The following TXNDC15 variants were observed in gnomAD, a reference collection of about 807,000 sequenced individuals.
TXNDC15 encodes thioredoxin domain containing 15, also known as thioredoxin domain-containing protein 15.
In TXNDC15, 24 loss-of-function variants were observed where a neutral mutation model predicts 35.0. The observed-to-expected ratio is 0.68, with a 90% CI of 0.50 to 0.96. TXNDC15 has a LOEUF of 0.96. Ranked by LOEUF, TXNDC15 falls within the 40% of genes least tolerant of loss-of-function variation. The pLI is 0.00. For synonymous variants in TXNDC15, 169 were observed against 174.0 expected (o/e 0.97, Z 0.23); for missense variants, 385 against 453.3 (o/e 0.85, Z 1.37).
intron 2 of TXNDC15, among the ~76,000 whole-genome samples, chr5:134,890,445 T>C (rs550355894): frequency 6.6e-6 from 1 of 151,872 alleles, no homozygotes; most frequent in East Asian, 1.9e-4. Context: ...TCTCACTCTG[T>C]CACCCAGGCG....
At chr5:134,883,489 C>A (rs1750202956) in intron 1 of TXNDC15, among the ~76,000 whole-genome samples, 2 of 148,774 alleles carry the variant, frequency 1.3e-5, no homozygotes. Flanking sequence ...TGCCTGTAAT[C>A]CTAGCTGCTT....
intron 1 of TXNDC15, among the ~76,000 whole-genome samples, chr5:134,880,722 C>T (rs1458434061): frequency 5.3e-5 from 8 of 151,952 alleles, no homozygotes; most frequent in Non-Finnish European, 8.8e-5. Context: ...GGAGTACAGG[C>T]GTGAGCCACC....
intron 1 of TXNDC15, among the ~76,000 whole-genome samples, chr5:134,876,731 T>G (rs1750041042): frequency 2.0e-5 from 3 of 147,022 alleles, no homozygotes; most frequent in South Asian, 2.2e-4. Context: ...AAATCTGAGG[T>G]GTTTTTTTTT....
upstream of TXNDC15, chr5:134,874,054 G>A (rs1198916086): frequency 5.6e-6 from 1 of 178,030 alleles, no homozygotes; most frequent in Non-Finnish European, 1.2e-5. Flanking sequence ...GGGCCTTTCT[G>A]GCTCTGGGAA....
In TXNDC15 at chr5:134,893,603, C is replaced by A. The variant is rs563251762; in HGVS notation, c.703C>A (p.Arg235=). 1 of 1,614,212 alleles carries A rather than the reference C, an allele frequency of 6.2e-7. No individual in the cohort carries two copies. The highest frequency in any genetic ancestry group is 1.3e-5 in the African/African-American group (1 of 75,050). ...GGCCCCTCACTTTAACTCTCTGCCCCGGGCATTTCCAGCTCTTCACTTTTT... is the reference window on the plus strand; with the variant it reads ...GGCCCCTCACTTTAACTCTCTGCCCAGGGCATTTCCAGCTCTTCACTTTTT... ...SLAPHFNSLP[R]AFPALHFLAL... Residue 235 remains arginine, a synonymous_variant, in exon 3 of 5, where the codon CGG becomes AGG. Transcript: ENST00000358387.
At chr5:134,875,146 AGAC>A in intron 1 of TXNDC15, 1 of 456,294 alleles carries the variant, frequency 2.2e-6, no homozygotes, top group Admixed American at 2.3e-5. Context: ...CATGAAAAAC[AGAC>A]GAGAAACACG....
chr5:134,885,350 T>C (rs1252478080), intron 1 of TXNDC15, among the ~76,000 whole-genome samples: 1 of 152,262 alleles, frequency 6.6e-6, no homozygotes, highest in Non-Finnish European at 1.5e-5. Context: ...GTCCCACTAC[T>C]GACGCAGGTC....
At chr5:134,887,423 GATCC>G (rs545962940) in intron 1 of TXNDC15, among the ~76,000 whole-genome samples, 14 of 152,222 alleles carry the variant, frequency 9.2e-5, no homozygotes, top group Non-Finnish European at 2.1e-4. Context: ...GACCTCAAGT[GATCC>G]ACCTGACTTG....
intron 1 of TXNDC15, chr5:134,875,248 A>G (rs2150182658): frequency 1.3e-5 from 6 of 456,172 alleles, no homozygotes; most frequent in South Asian, 9.3e-5. Flanking sequence ...CCTTACTTTC[A>G]TGCTCCTTCA....
intron 4 of TXNDC15, among the ~76,000 whole-genome samples, chr5:134,896,651 C>CT (rs11438328): frequency 0.12 from 15,512 of 134,270 alleles, 1,081 homozygotes; most frequent in East Asian, 0.26. Flanking sequence ...TTTTTTTTCC[C>CT]TTTTTTTTTT....
intron 1 of TXNDC15, among the ~76,000 whole-genome samples, chr5:134,885,951 C>T (rs1486526337): frequency 6.6e-6 from 1 of 152,138 alleles, no homozygotes; most frequent in Non-Finnish European, 1.5e-5. Flanking sequence ...CTGAATGAAT[C>T]CACAGAGCTC....
At chr5:134,874,600 A>T in intron 1 of TXNDC15, 70 bp downstream of exon 1, 1 of 1,319,280 alleles carries the variant, frequency 7.6e-7, no homozygotes. Flanking sequence ...GACGCTCTGG[A>T]CCTGCGCGAA....
intron 4 of TXNDC15, among the ~76,000 whole-genome samples, chr5:134,897,393 G>A (rs965490808): frequency 6.6e-5 from 10 of 150,754 alleles, no homozygotes; most frequent in Non-Finnish European, 1.5e-4. Context: ...GATTATAGGT[G>A]CGCACCACCA....
intron 1 of TXNDC15, among the ~76,000 whole-genome samples, chr5:134,875,763 G>T (rs893548363): frequency 5.9e-5 from 9 of 152,096 alleles, no homozygotes; most frequent in African/African-American, 2.2e-4. Flanking sequence ...TCTGACTCCC[G>T]GGTTCAAGCG....
Position 134,884,265 on chromosome 5 carries a change from C to T in TXNDC15, c.104-3430C>T, listed in dbSNP as rs577759628. Among the ~76,000 whole-genome samples the T allele has an allele frequency of 1.5e-4, 22 of 149,208 alleles. No individual in the cohort carries two copies. In the East Asian group the frequency reaches 2.5e-3, roughly 17 times the overall value. On this transcript the variant is annotated intron_variant, in intron 1 of 4. Coordinates refer to ENST00000358387, the MANE Select transcript of TXNDC15 (RefSeq NM_024715.4). ...TACAATTTGATCTTTTTTTTTTTCC[C>T]GAGACAGAGTTTTGCTCTTGTTGCC...
At chr5:134,894,930 T>A (rs1384986467) in intron 3 of TXNDC15, among the ~76,000 whole-genome samples, 1 of 152,012 alleles carries the variant, frequency 6.6e-6, no homozygotes, top group Non-Finnish European at 1.5e-5. Context: ...TCCCATCACT[T>A]TGAGAGGCCA....
Position 134,900,531 on chromosome 5 carries a change from T to G in TXNDC15, c.*846T>G, listed in dbSNP as rs1210955972. 1 of 151,970 alleles carries G rather than the reference T, an allele frequency of 6.6e-6. No individual in the cohort carries two copies. Among genetic ancestry groups the G allele is most frequent in the Non-Finnish European group, 1.5e-5 (1 of 68,026 alleles). 9.4% of individuals were successfully genotyped at this position (151,970 alleles called of 1,614,324 possible). On this transcript the variant is annotated 3_prime_UTR_variant, in exon 5 of 5. Coordinates refer to ENST00000358387, the MANE Select transcript of TXNDC15 (RefSeq NM_024715.4). ...TCTACTAAAAATACAAAAAATTAGC[T>G]GGGCGTGGTGGCGGGCACCTGTAAT... is the stretch of plus-strand genomic sequence containing the variant.
chr5:134,880,446 T>TA (rs200038462), intron 1 of TXNDC15, among the ~76,000 whole-genome samples: 2,577 of 152,028 alleles, frequency 0.017, 86 homozygotes, highest in African/African-American at 0.059. Flanking sequence ...TATTATTTTT[T>TA]TTTTTTTTGA....
At chr5:134,881,199 A>ATTTTTTT (rs1554162551) in intron 1 of TXNDC15, among the ~76,000 whole-genome samples, 1 of 132,460 alleles carries the variant, frequency 7.5e-6, no homozygotes, top group African/African-American at 2.8e-5. Flanking sequence ...TTATTTATTT[A>ATTTTTTT]TTTTTTTATT....
Sources: allele counts gnomAD v4.1 joint callset (sites outside exome capture counted in the v4.1 genomes callset), GRCh38; gene constraint gnomAD v4.1.1; transcripts MANE v1.5; gene names NCBI Gene and HGNC (gene_info 2026-07-23, HGNC 2026-07-21).